The following MPHOSPH9 variants were observed in gnomAD, a reference collection of about 807,000 sequenced individuals.
MPHOSPH9 encodes the protein M-phase phosphoprotein 9.
A neutral mutation model predicts 145.5 loss-of-function variants in MPHOSPH9; 88 were observed. That is an observed-to-expected ratio of 0.60 (90% CI 0.51 to 0.72). The LOEUF (loss-of-function observed/expected upper bound fraction) is 0.72, where lower values mean the gene tolerates loss of function less well. MPHOSPH9 is among the 30% of genes least tolerant of loss of function. The pLI, the probability that MPHOSPH9 is intolerant of heterozygous loss-of-function variation, is 0.00. For synonymous variants in MPHOSPH9, 435 were observed against 486.2 expected, an observed-to-expected ratio of 0.89 and a Z score of 1.39; for missense variants, 1,238 against 1,386.6, an observed-to-expected ratio of 0.89 and a Z score of 1.70.
intron 3 of MPHOSPH9, 68 bp from the exon 4 acceptor site, chr12:123,223,195 C>T: frequency 9.5e-7 from 1 of 1,049,622 alleles, no homozygotes; most frequent in South Asian, 2.5e-5. Context: ...AACAATTCCT[C>T]CAGTGTAAAA....
At position 123,224,722 on chromosome 12, in the gene MPHOSPH9, G is replaced by T. The variant is rs2047367535; in HGVS notation, c.259-1595C>A. Among the ~76,000 whole-genome samples, 3 of 152,164 alleles carry T rather than the reference G, an allele frequency of 2.0e-5. No homozygotes were observed. In the South Asian group the frequency reaches 6.2e-4, roughly 32 times the overall value. On this transcript the variant is annotated intron_variant, in intron 3 of 23. Coordinates refer to ENST00000606320, the MANE Select transcript of MPHOSPH9 (RefSeq NM_022782.4). ...GTCCCCCATGATGAAGAATTGTCCT[G>T]TGTCCATTTTATGTTATAAAACAAT...
intron 1 of MPHOSPH9, among the ~76,000 whole-genome samples, chr12:123,241,164 T>G (rs530695841): frequency 5.4e-4 from 82 of 151,824 alleles, no homozygotes; most frequent in African/African-American, 1.8e-3. Context: ...TTTTGTTTTT[T>G]TTTTAATAAA....
intron 3 of MPHOSPH9, 48 bp from the exon 4 acceptor site, chr12:123,223,175 C>T (rs2047286275): frequency 8.6e-7 from 1 of 1,167,776 alleles, no homozygotes; most frequent in Non-Finnish European, 1.1e-6. Context: ...TTTGACTTAA[C>T]ATTTCACAGA....
At chr12:123,192,775 T>A (rs1182986759) in intron 13 of MPHOSPH9, among the ~76,000 whole-genome samples, 1 of 151,692 alleles carries the variant, frequency 6.6e-6, no homozygotes, top group Non-Finnish European at 1.5e-5. Flanking sequence ...CACCATTGAT[T>A]ATATATCACA....
intron 3 of MPHOSPH9, among the ~76,000 whole-genome samples, chr12:123,224,625 C>T (rs780713299): frequency 1.3e-5 from 2 of 152,086 alleles, no homozygotes; most frequent in Non-Finnish European, 2.9e-5. Flanking sequence ...TGTGAGGTCA[C>T]GGTCATGACA....
rs2043868167 is a variant in MPHOSPH9, at chr12:123,156,437, T to C, written c.*370A>G. ...TAAGCTTTATTTTTTAAAAACTGAA[T>C]TGTATTTACAATGTAGAACAAGTCT... On this transcript the variant is annotated 3_prime_UTR_variant, in exon 24 of 24. Transcript: ENST00000606320. 1 of 159,134 alleles carries C rather than the reference T, an allele frequency of 6.3e-6. No homozygotes were observed. Among genetic ancestry groups the C allele is most frequent in the Admixed American group, 6.2e-5 (1 of 16,090 alleles). 9.9% of individuals were successfully genotyped at this position (159,134 alleles called of 1,614,324 possible).
At chr12:123,203,693 G>T (rs2046310520) in intron 8 of MPHOSPH9, among the ~76,000 whole-genome samples, 4 of 151,962 alleles carry the variant, frequency 2.6e-5, no homozygotes. Context: ...AAGTTTTCTG[G>T]GTTTCTTTGA....
intron 14 of MPHOSPH9, 103 bp from the exon 15 acceptor site, chr12:123,180,093 T>C: frequency 1.7e-6 from 1 of 581,706 alleles, no homozygotes; most frequent in Non-Finnish European, 2.9e-6. Context: ...ACCAACTAGC[T>C]ACAAACCATA....
chr12:123,203,264 T>G lies in MPHOSPH9; in HGVS notation c.1306A>C (p.Asn436His), dbSNP rs1417277920. 6.2e-7 allele frequency: 1 copy of G among 1,613,588 alleles called. No homozygotes were observed. Among genetic ancestry groups the G allele is most frequent in the Admixed American group, 1.7e-5 (1 of 59,824 alleles). Residue 436 changes from asparagine (N) to histidine (H), a missense_variant, in exon 9 of 24, where the codon AAT becomes CAT. Around this residue, in one of 3 missense-constraint regions of MPHOSPH9, gnomAD observed 837 missense variants for 897.5 expected, o/e 0.93. Coordinates refer to ENST00000606320, the MANE Select transcript of MPHOSPH9 (RefSeq NM_022782.4). ...ERNLTSASNP[N>H]HPPEVLTLDP... ...GACAACTTTACCTCTGGTGGATGAT[T>G]TGGGTTGGAAGCAGAAGTGAGATTC...
intron 18 of MPHOSPH9, among the ~76,000 whole-genome samples, chr12:123,165,046 T>C (rs1015872995): frequency 1.4e-5 from 2 of 146,564 alleles, no homozygotes; most frequent in Non-Finnish European, 1.5e-5. Context: ...AAGAATGCCA[T>C]GTAAGCCTTT....
Position 123,214,804 on chromosome 12 carries a change from C to T in MPHOSPH9, c.1027G>A (p.Ala343Thr). 1 of 1,613,532 alleles carries T rather than the reference C, an allele frequency of 6.2e-7. No individual in the cohort carries two copies. The highest frequency in any genetic ancestry group is 8.5e-7 in the Non-Finnish European group (1 of 1,179,610). The change falls in exon 7 of 24, where the codon GCT (alanine) becomes ACT (threonine). Residue 343 changes from alanine (A) to threonine (T), a missense_variant. Transcript: ENST00000606320. ...TCATCTGGTTTACTGAGGTAAAAAG[C>T]ACGAGGATGTGTAGCAGCAGCAAAA... ...SDFAAATHPR[A>T]FYLSKPDETP...
At chr12:123,177,173 C>A (rs147201523) in intron 15 of MPHOSPH9, among the ~76,000 whole-genome samples, 1 of 150,852 alleles carries the variant, frequency 6.6e-6, no homozygotes, top group East Asian at 2.0e-4. Flanking sequence ...AGTGAGACTC[C>A]GTCACACACA....
In MPHOSPH9 at chr12:123,194,473, T is replaced by C; in HGVS notation, c.2154A>G (p.Gln718=). 1.2e-6 allele frequency: 2 copies of C among 1,611,990 alleles called. No homozygotes were observed. The highest frequency in any genetic ancestry group is 1.7e-5 in the Admixed American group (1 of 59,800). ...CATTCTCAAATGCTTCTTCTAAATC[T>C]TGCAGTCTAGATTTTAGTCGAATGA... ...NTIIRLKSRL[Q]DLEEAFENAY... is the part of the protein sequence containing the mutation. The change falls in exon 13 of 24, where the codon CAA becomes CAG. Residue 718 remains glutamine, a synonymous_variant. Transcript: ENST00000606320.
intron 1 of MPHOSPH9, among the ~76,000 whole-genome samples, chr12:123,241,776 C>A (rs2047942339): frequency 6.6e-6 from 1 of 152,214 alleles, no homozygotes; most frequent in Non-Finnish European, 1.5e-5. Flanking sequence ...CGGCCACAGG[C>A]CTTGTTGCAG....
chr12:123,226,429 T>C (rs1408518245), intron 3 of MPHOSPH9: 2 of 500,740 alleles, frequency 4.0e-6, no homozygotes, highest in Non-Finnish European at 5.7e-6. Context: ...TAAGAATTAA[T>C]AATGGTTTAA....
At chr12:123,157,971 T>C (rs563282376) in intron 23 of MPHOSPH9, among the ~76,000 whole-genome samples, 2 of 152,222 alleles carry the variant, frequency 1.3e-5, no homozygotes, top group Non-Finnish European at 2.9e-5. Context: ...TATATATGCA[T>C]ACCACTTTTA....
At chr12:123,230,127 G>A (rs1295247109) in intron 2 of MPHOSPH9, 134 bp downstream of exon 2, 3 of 595,296 alleles carry the variant, frequency 5.0e-6, no homozygotes, top group Non-Finnish European at 2.8e-6. Flanking sequence ...CAGCCTCCCT[G>A]AACATTCTTG....
intron 6 of MPHOSPH9, among the ~76,000 whole-genome samples, chr12:123,215,871 C>T (rs2046931236): frequency 6.6e-6 from 1 of 152,158 alleles, no homozygotes. Context: ...ACACATGAGC[C>T]TTATAAGGCA....
chr12:123,181,370 G>A (rs544757102), intron 13 of MPHOSPH9, among the ~76,000 whole-genome samples, 160 bp from the exon 14 acceptor site: 33 of 152,218 alleles, frequency 2.2e-4, no homozygotes, highest in African/African-American at 7.9e-4. Flanking sequence ...AAGGGAATGG[G>A]ACAATTCTCA....
Sources: gnomAD v4.1 joint callset for allele counts (sites outside exome capture counted in the v4.1 genomes callset) on GRCh38, gnomAD v4.1.1 for gene constraint, gnomAD v4.1.1 regional missense constraint, MANE v1.5 for transcripts, NCBI Gene and HGNC (gene_info 2026-07-23, HGNC 2026-07-21) for gene names.